Variants in PRKN observed in about 807,000 individuals in gnomAD.
The protein encoded by PRKN is parkin RBR E3 ubiquitin protein ligase.
In PRKN, 56 loss-of-function variants were observed where a neutral mutation model predicts 59.5. The ratio of observed to expected loss-of-function variants is 0.94; its 90% CI spans 0.76 to 1.18. The LOEUF (loss-of-function observed/expected upper bound fraction) is 1.18, where lower values mean the gene tolerates loss of function less well. PRKN is among the 50% of genes most tolerant of loss of function. The probability of loss-of-function intolerance (pLI) is 0.00; values close to 1 mark genes in which losing one functional copy is unlikely to be tolerated. For missense variants in PRKN, 657 were observed against 596.4 expected (o/e 1.10, Z -1.06); for synonymous variants, 250 against 222.1 (o/e 1.13, Z -1.12).
At chr6:162,324,642 A>G (rs1783183819) in intron 2 of PRKN, among the ~76,000 whole-genome samples, 1 of 152,064 alleles carries the variant, frequency 6.6e-6, no homozygotes, top group Non-Finnish European at 1.5e-5. Context: ...CTGCTTCACA[A>G]CTTGCACACA....
chr6:162,331,524 C>T (rs1020194797), intron 2 of PRKN, among the ~76,000 whole-genome samples: 2 of 152,162 alleles, frequency 1.3e-5, no homozygotes, highest in Admixed American at 1.3e-4. Context: ...ATCTTTCTTC[C>T]TACTTATCCT....
intron 5 of PRKN, among the ~76,000 whole-genome samples, chr6:162,036,308 A>G (rs1049958864): frequency 6.6e-5 from 10 of 152,016 alleles, no homozygotes; most frequent in Non-Finnish European, 1.2e-4. Flanking sequence ...TGGGCAACAG[A>G]GCGAGACCCC....
intron 4 of PRKN, among the ~76,000 whole-genome samples, chr6:162,120,717 G>A (rs1295853093): frequency 2.0e-5 from 3 of 152,286 alleles, no homozygotes; most frequent in Admixed American, 6.5e-5. Context: ...GCCCCCTGGT[G>A]TGAGCGATAT....
intron 1 of PRKN, among the ~76,000 whole-genome samples, chr6:162,529,202 A>G (rs376491941): frequency 7.9e-4 from 121 of 152,216 alleles, no homozygotes; most frequent in African/African-American, 2.8e-3. Flanking sequence ...TGATACATTT[A>G]TACTGATTAG....
chr6:162,278,053 T>C (rs184266651), intron 2 of PRKN, among the ~76,000 whole-genome samples: 17 of 152,220 alleles, frequency 1.1e-4, no homozygotes, highest in Admixed American at 1.1e-3. Context: ...GGATAAAGTA[T>C]CAGACATACA....
At chr6:162,209,960 G>GGTGGGGGGA (rs1785130299) in intron 3 of PRKN, among the ~76,000 whole-genome samples, 2 of 151,714 alleles carry the variant, frequency 1.3e-5, no homozygotes, top group Non-Finnish European at 2.9e-5. Flanking sequence ...CCTGTTGTGG[G>GGTGGGGGGA]ATGGGGAGAG....
rs1359747298 is a variant in PRKN at position 161,461,498 on chromosome 6, G to C, written c.1084-74621C>G. On this transcript the variant is annotated intron_variant, in intron 9 of 11. Transcript: ENST00000366898. This position sits in a 1 kb window ranked among gnomAD's most constrained non-coding sequence, Gnocchi z 5.1. ...ATACACTCAAGGCAGGAAGAGTGTA[G>C]GTTGTTCCAGTAGTTGAGGTAAAGA... Among the ~76,000 whole-genome samples, 2 of 152,120 alleles carry C rather than the reference G, an allele frequency of 1.3e-5. No homozygotes were observed. Among genetic ancestry groups the C allele is most frequent in the African/African-American group, 4.8e-5 (2 of 41,418 alleles).
At chr6:161,542,323 G>A (rs1779644665) in intron 9 of PRKN, among the ~76,000 whole-genome samples, 1 of 152,296 alleles carries the variant, frequency 6.6e-6, no homozygotes, top group Non-Finnish European at 1.5e-5. Context: ...AGTTGCAGGA[G>A]GGGTTGGCAC....
intron 6 of PRKN, among the ~76,000 whole-genome samples, chr6:161,961,617 G>A (rs60975422): frequency 0.047 from 7,186 of 152,156 alleles, 576 homozygotes; most frequent in African/African-American, 0.16. Flanking sequence ...GCCCGGTTCC[G>A]TCACACCTTC....
At chr6:162,008,131 G>A (rs1245380729) in intron 5 of PRKN, among the ~76,000 whole-genome samples, 1 of 152,198 alleles carries the variant, frequency 6.6e-6, no homozygotes, top group Non-Finnish European at 1.5e-5. Flanking sequence ...CAGGAAAGCT[G>A]AGCTGCAAAG....
chr6:162,545,774 A>G (rs984261026), intron 1 of PRKN, among the ~76,000 whole-genome samples: 1 of 152,164 alleles, frequency 6.6e-6, no homozygotes, highest in Admixed American at 6.5e-5. Flanking sequence ...GATAATTATA[A>G]TCTAACAAAG....
At chr6:162,282,683 G>C (rs1256446593) in intron 2 of PRKN, among the ~76,000 whole-genome samples, 2 of 152,200 alleles carry the variant, frequency 1.3e-5, no homozygotes, top group Non-Finnish European at 2.9e-5. Context: ...ACACGGAAAA[G>C]AAGGCGGTCT....
intron 7 of PRKN, among the ~76,000 whole-genome samples, chr6:161,754,782 A>C (rs762742098): frequency 1.3e-5 from 2 of 152,216 alleles, no homozygotes; most frequent in Non-Finnish European, 2.9e-5. Context: ...CACATACTTT[A>C]GATCCTCAAA....
chr6:162,536,793 T>G (rs1010786616), intron 1 of PRKN, among the ~76,000 whole-genome samples: 3 of 152,184 alleles, frequency 2.0e-5, no homozygotes, highest in Non-Finnish European at 1.5e-5. Context: ...CACATTTTTT[T>G]GAAGCCTATG....
intron 6 of PRKN, among the ~76,000 whole-genome samples, chr6:161,946,765 G>C (rs570324745): frequency 6.6e-6 from 1 of 152,076 alleles, no homozygotes; most frequent in East Asian, 1.9e-4. Context: ...CCAACATTTG[G>C]AGAAGGAAAA....
At chr6:162,484,558 G>A (rs1792456589) in intron 1 of PRKN, among the ~76,000 whole-genome samples, 1 of 152,148 alleles carries the variant, frequency 6.6e-6, no homozygotes, top group Admixed American at 6.5e-5. Flanking sequence ...GGTGTAAGAA[G>A]ACAAAAACAA....
intron 1 of PRKN, among the ~76,000 whole-genome samples, chr6:162,656,388 G>T (rs1392568168): frequency 3.3e-5 from 5 of 152,164 alleles, no homozygotes; most frequent in African/African-American, 1.2e-4. Context: ...GAAGTTATCT[G>T]ACATTTTATG....
chr6:162,555,191 A>C (rs1779510060), intron 1 of PRKN, among the ~76,000 whole-genome samples: 1 of 152,186 alleles, frequency 6.6e-6, no homozygotes, highest in South Asian at 2.1e-4. Context: ...AAAGAGGAAT[A>C]TATAGAAGGA....
At chr6:162,567,499 G>T (rs1448327633) in intron 1 of PRKN, among the ~76,000 whole-genome samples, 1 of 151,784 alleles carries the variant, frequency 6.6e-6, no homozygotes, top group Non-Finnish European at 1.5e-5. Flanking sequence ...ATAAATAAAA[G>T]AAATTTTTAA....
Sources: allele counts gnomAD v4.1 joint callset (sites outside exome capture counted in the v4.1 genomes callset), GRCh38; gene constraint gnomAD v4.1.1; non-coding constraint Gnocchi (gnomAD v3.1); transcripts MANE v1.5; gene names NCBI Gene and HGNC (gene_info 2026-07-23, HGNC 2026-07-21).